The following LRRTM4 variants were observed in gnomAD, a reference collection of about 807,000 sequenced individuals.
LRRTM4 encodes leucine-rich repeat transmembrane neuronal protein 4.
Under a neutral mutation model 47.6 loss-of-function variants are expected in LRRTM4, and 25 were observed. The ratio of observed to expected loss-of-function variants is 0.53; its 90% CI spans 0.38 to 0.73. The LOEUF (loss-of-function observed/expected upper bound fraction) is 0.73, where lower values mean the gene tolerates loss of function less well. Among genes scored for constraint, LRRTM4 ranks in the 30% least tolerant of loss-of-function variants. The pLI is 0.00. For synonymous variants in LRRTM4, 311 were observed against 269.5 expected (o/e 1.15, Z -1.51); for missense variants, 638 against 713.4 (o/e 0.89, Z 1.20).
At chr2:77,192,144 T>G (rs945779267) in intron 3 of LRRTM4, among the ~76,000 whole-genome samples, 2 of 152,106 alleles carry the variant, frequency 1.3e-5, no homozygotes, top group African/African-American at 4.8e-5. Context: ...GTTCGTGGGT[T>G]GCCATGCTTG....
At chr2:77,042,214 T>C (rs773552063) in intron 3 of LRRTM4, among the ~76,000 whole-genome samples, 13 of 151,484 alleles carry the variant, frequency 8.6e-5, no homozygotes, top group Admixed American at 2.6e-4. Flanking sequence ...TTTTAAGAAA[T>C]ATATACTGAC....
intron 3 of LRRTM4, among the ~76,000 whole-genome samples, chr2:76,815,100 A>G (rs980427610): frequency 8.5e-5 from 13 of 152,066 alleles, no homozygotes; most frequent in African/African-American, 2.9e-4. Context: ...ACACAGGACA[A>G]TTGTATCTAT....
In LRRTM4 at chr2:77,333,173, T is replaced by C. The variant is rs76067151; in HGVS notation, c.1551+185145A>G. Among the ~76,000 whole-genome samples, 517 of 152,318 alleles carry C rather than the reference T, an allele frequency of 3.4e-3. 4 individuals carry two copies. Among genetic ancestry groups the C allele is most frequent in the African/African-American group, 0.012 (493 of 41,574 alleles). On this transcript the variant is annotated intron_variant, in intron 3 of 3. Transcript: ENST00000409884. ...TGGAACTGTAAGTCCACATCTTTTG[T>C]AAATTGCCCAGTCTTTGGCATGTCT...
intron 3 of LRRTM4, among the ~76,000 whole-genome samples, chr2:76,886,409 C>T (rs1229874838): frequency 6.6e-6 from 1 of 152,064 alleles, no homozygotes; most frequent in African/African-American, 2.4e-5. Flanking sequence ...AGTTAAGTTT[C>T]TCTGCTTTAG....
chr2:77,375,816 C>T (rs1672818190), intron 3 of LRRTM4, among the ~76,000 whole-genome samples: 1 of 151,724 alleles, frequency 6.6e-6, no homozygotes, highest in Non-Finnish European at 1.5e-5. Flanking sequence ...TACCACATTT[C>T]CTTTATCTAC....
chr2:77,410,922 AT>A (rs966928316), intron 3 of LRRTM4, among the ~76,000 whole-genome samples: 1 of 152,180 alleles, frequency 6.6e-6, no homozygotes, highest in Admixed American at 6.6e-5. Flanking sequence ...TTTGCCAAAC[AT>A]TTGTTGGAAA....
intron 3 of LRRTM4, among the ~76,000 whole-genome samples, chr2:77,306,786 C>T (rs1677284833): frequency 6.6e-6 from 1 of 151,264 alleles, no homozygotes; most frequent in Admixed American, 6.6e-5. Flanking sequence ...AGTTAAATGC[C>T]AGTAAATTAT....
At position 77,177,409 on chromosome 2, in the gene LRRTM4, C is replaced by A. The variant is rs187265637; in HGVS notation, c.1551+340909G>T. Among the ~76,000 whole-genome samples the A allele has an allele frequency of 2.0e-5, 3 of 152,206 alleles. 1 individual carries two copies. The East Asian group carries it at 5.8e-4, about 29-fold the overall frequency. On this transcript the variant is annotated intron_variant, in intron 3 of 3. Transcript: ENST00000409884. Reference sequence around the variant, plus strand: ...CGTTTAGAAAAATCATTCTCTGTATCCAAAATGTGAGGAGGGAATCCATGG... The same window carrying A: ...CGTTTAGAAAAATCATTCTCTGTATACAAAATGTGAGGAGGGAATCCATGG...
chr2:77,364,718 C>A (rs1028679655), intron 3 of LRRTM4, among the ~76,000 whole-genome samples: 1 of 151,880 alleles, frequency 6.6e-6, no homozygotes, highest in Admixed American at 6.6e-5. Context: ...AAATCCATTC[C>A]GATAAATACT....
At chr2:77,033,378 TC>T (rs1487249700) in intron 3 of LRRTM4, among the ~76,000 whole-genome samples, 2 of 151,714 alleles carry the variant, frequency 1.3e-5, no homozygotes, top group Non-Finnish European at 1.5e-5. Context: ...AAAGACATTT[TC>T]CATTAGTAGT....
rs1438777280 is a variant in LRRTM4 at position 77,313,483 on chromosome 2, G to C, written c.1551+204835C>G. ...CTGTTGCTGTGATGTACCTCCCTAT[G>C]TTTTCCTGGGAGTTGGTGTTGTGAT... On this transcript the variant is annotated intron_variant, in intron 3 of 3. Coordinates refer to ENST00000409884, the MANE Select transcript of LRRTM4 (RefSeq NM_001134745.3). Among the ~76,000 whole-genome samples, 10 of 126,146 alleles carry C rather than the reference G, an allele frequency of 7.9e-5. No homozygotes were observed. The East Asian group carries it at 1.0e-3, about 13-fold the overall frequency. The allele number at this position is 126,146 out of a possible 152,430, so 82.8% of individuals were successfully genotyped here. A position where few individuals can be genotyped will look rare whatever the true frequency, so the allele number is the denominator to read the frequency against.
At chr2:77,163,699 G>A (rs757470270) in intron 3 of LRRTM4, among the ~76,000 whole-genome samples, 7 of 152,044 alleles carry the variant, frequency 4.6e-5, no homozygotes, top group African/African-American at 7.2e-5. Flanking sequence ...ATTTCATATC[G>A]AGCCAAACTA....
intron 3 of LRRTM4, among the ~76,000 whole-genome samples, chr2:77,173,530 T>C (rs1299969408): frequency 6.6e-6 from 1 of 152,182 alleles, no homozygotes; most frequent in South Asian, 2.1e-4. Flanking sequence ...GGTTGACAGA[T>C]AGGGTGATTT....
At chr2:77,226,632 G>A (rs1328157155) in intron 3 of LRRTM4, among the ~76,000 whole-genome samples, 1 of 151,078 alleles carries the variant, frequency 6.6e-6, no homozygotes. Context: ...ATTATATAAT[G>A]TTGTCTCAAA....
At chr2:76,792,019 C>G (rs1315891363) in intron 3 of LRRTM4, among the ~76,000 whole-genome samples, 1 of 152,040 alleles carries the variant, frequency 6.6e-6, no homozygotes, top group Admixed American at 6.6e-5. Context: ...TTATATTGTT[C>G]CATTTCAGAA....
intron 3 of LRRTM4, among the ~76,000 whole-genome samples, chr2:76,759,881 C>A (rs540885695): frequency 6.6e-6 from 1 of 152,146 alleles, no homozygotes; most frequent in South Asian, 2.1e-4. Flanking sequence ...TAAACCATTT[C>A]CTGTTTCAAT....
chr2:77,273,515 C>A (rs1267314954), intron 3 of LRRTM4, among the ~76,000 whole-genome samples: 1 of 151,914 alleles, frequency 6.6e-6, no homozygotes, highest in Non-Finnish European at 1.5e-5. Context: ...AAAAAATAAC[C>A]CAAGGATTTG....
At chr2:77,115,376 A>G (rs1474589078) in intron 3 of LRRTM4, among the ~76,000 whole-genome samples, 1 of 152,176 alleles carries the variant, frequency 6.6e-6, no homozygotes, top group Non-Finnish European at 1.5e-5. Flanking sequence ...TATTGTTCGA[A>G]CACACATGTT....
At chr2:77,409,401 C>G (rs964796883) in intron 3 of LRRTM4, among the ~76,000 whole-genome samples, 1 of 152,142 alleles carries the variant, frequency 6.6e-6, no homozygotes, top group African/African-American at 2.4e-5. Flanking sequence ...ATCAGAAGGA[C>G]AAGCTAGGTG....
Sources: gnomAD v4.1 joint callset for allele counts (sites outside exome capture counted in the v4.1 genomes callset) on GRCh38, gnomAD v4.1.1 for gene constraint, MANE v1.5 for transcripts, NCBI Gene and HGNC (gene_info 2026-07-23, HGNC 2026-07-21) for gene names.